Variants in NSMCE2 observed in about 807,000 individuals in gnomAD.
The protein encoded by NSMCE2 is NSE2 SUMO ligase component of SMC5/6 complex, also known as E3 SUMO-protein ligase NSE2.
In NSMCE2, 24 loss-of-function variants were observed where a neutral mutation model predicts 23.8. The observed-to-expected ratio is 1.01, with a 90% CI of 0.73 to 1.42. NSMCE2 has a LOEUF of 1.42. Among genes scored for constraint, NSMCE2 ranks in the 40% most tolerant of loss-of-function variants. The pLI, the probability that NSMCE2 is intolerant of heterozygous loss-of-function variation, is 0.00. For missense variants in NSMCE2, 284 were observed against 296.5 expected, an observed-to-expected ratio of 0.96 and a Z score of 0.31; for synonymous variants, 92 against 94.1, an observed-to-expected ratio of 0.98 and a Z score of 0.13.
At chr8:125,167,244 A>G (rs1419586745) in intron 4 of NSMCE2, among the ~76,000 whole-genome samples, 1 of 152,232 alleles carries the variant, frequency 6.6e-6, no homozygotes, top group Non-Finnish European at 1.5e-5. Context: ...AATATGTAGA[A>G]GAAAGTTGAG....
At chr8:125,315,165 G>A (rs1449271351) in intron 5 of NSMCE2, among the ~76,000 whole-genome samples, 2 of 152,000 alleles carry the variant, frequency 1.3e-5, no homozygotes, top group Non-Finnish European at 2.9e-5. Context: ...AACAGAGAGA[G>A]GAGTTACAGG....
At chr8:125,247,462 C>T (rs1291425244) in intron 5 of NSMCE2, among the ~76,000 whole-genome samples, 3 of 152,124 alleles carry the variant, frequency 2.0e-5, no homozygotes, top group African/African-American at 7.2e-5. Context: ...ATTTGGCTCA[C>T]GCCTATAATC....
intron 5 of NSMCE2, among the ~76,000 whole-genome samples, chr8:125,333,213 A>T (rs953494257): frequency 2.0e-5 from 3 of 152,038 alleles, no homozygotes; most frequent in African/African-American, 7.2e-5. Context: ...TCTGTCGCCA[A>T]GGCTGAAATA....
At chr8:125,159,528 A>G (rs1166933994) in intron 4 of NSMCE2, among the ~76,000 whole-genome samples, 1 of 152,178 alleles carries the variant, frequency 6.6e-6, no homozygotes, top group East Asian at 1.9e-4. Flanking sequence ...AGGCTATTCC[A>G]TCTAGGTTTG....
intron 5 of NSMCE2, among the ~76,000 whole-genome samples, chr8:125,250,530 C>T (rs1826162016): frequency 6.6e-6 from 1 of 152,196 alleles, no homozygotes; most frequent in African/African-American, 2.4e-5. Flanking sequence ...CCTGCTTTTA[C>T]TTGTTTCACT....
At chr8:125,211,108 T>G (rs1203341984) in intron 5 of NSMCE2, among the ~76,000 whole-genome samples, 1 of 152,222 alleles carries the variant, frequency 6.6e-6, no homozygotes. Context: ...CAGTCTCTTC[T>G]GTTCTATTAT....
intron 1 of NSMCE2, among the ~76,000 whole-genome samples, chr8:125,095,074 C>T (rs1817864664): frequency 1.3e-5 from 2 of 152,092 alleles, no homozygotes; most frequent in South Asian, 4.1e-4. Context: ...TGGTCTCGAA[C>T]TCCTGGGCTC....
At position 125,102,059 on chromosome 8, in the gene NSMCE2, A is replaced by G; in HGVS notation, c.-102A>G. ...TGTTGACTTCTTCACAGAATCAAGC[A>G]CTCTTTTGGAAGAGGGTAATCTCTC... On this transcript the variant is annotated 5_prime_UTR_variant, in exon 2 of 8. Coordinates refer to ENST00000287437, the MANE Select transcript of NSMCE2 (RefSeq NM_173685.4). 3.2e-6 allele frequency: 1 copy of G among 314,036 alleles called. No individual in the cohort carries two copies. The highest frequency in any genetic ancestry group is 5.9e-6 in the Non-Finnish European group (1 of 168,126). The allele number at this position is 314,036 out of a possible 1,614,324, so 19.5% of individuals were successfully genotyped here.
At chr8:125,340,334 A>G (rs1830205152) in intron 5 of NSMCE2, among the ~76,000 whole-genome samples, 2 of 152,218 alleles carry the variant, frequency 1.3e-5, no homozygotes, top group African/African-American at 4.8e-5. Context: ...TAAAATTTCA[A>G]AGCCAATGCT....
chr8:125,169,645 T>C (rs934656131), intron 4 of NSMCE2, among the ~76,000 whole-genome samples: 4 of 152,204 alleles, frequency 2.6e-5, no homozygotes, highest in Non-Finnish European at 2.9e-5. Context: ...TTCAGTCCCC[T>C]TGGGCACACT....
chr8:125,158,523 G>C (rs1243431913), intron 4 of NSMCE2, among the ~76,000 whole-genome samples: 1 of 152,170 alleles, frequency 6.6e-6, no homozygotes, highest in Non-Finnish European at 1.5e-5. Flanking sequence ...CTCCAGGTAG[G>C]TACTGAGGCG....
chr8:125,150,410 T>C (rs1312135526), intron 3 of NSMCE2, among the ~76,000 whole-genome samples: 5 of 148,672 alleles, frequency 3.4e-5, no homozygotes, highest in Non-Finnish European at 7.4e-5. Flanking sequence ...TTTTTCTTTT[T>C]TTCTTTTCTT....
At chr8:125,197,581 T>C (rs143392455) in intron 5 of NSMCE2, among the ~76,000 whole-genome samples, 3,579 of 152,340 alleles carry the variant, frequency 0.023, 86 homozygotes, top group Admixed American at 0.053. Context: ...ACCAGTATCA[T>C]GCTGTTTTGG....
chr8:125,192,356 A>G (rs1563709566), intron 5 of NSMCE2, among the ~76,000 whole-genome samples: 1 of 150,192 alleles, frequency 6.7e-6, no homozygotes, highest in South Asian at 2.1e-4. Flanking sequence ...AAGAAAGTTT[A>G]AGTAGAATTT....
chr8:125,284,834 G>A (rs1043286420), intron 5 of NSMCE2, among the ~76,000 whole-genome samples: 3 of 152,160 alleles, frequency 2.0e-5, no homozygotes, highest in Non-Finnish European at 2.9e-5. Context: ...TGAAAACCCT[G>A]TCCCCTTTTC....
chr8:125,286,464 C>G (rs991193102), intron 5 of NSMCE2, among the ~76,000 whole-genome samples: 14 of 152,074 alleles, frequency 9.2e-5, no homozygotes, highest in African/African-American at 2.2e-4. Flanking sequence ...AGGCGCCCAC[C>G]ACCATGACGG....
chr8:125,226,435 G>A (rs939963578), intron 5 of NSMCE2, among the ~76,000 whole-genome samples: 3 of 152,218 alleles, frequency 2.0e-5, no homozygotes. Flanking sequence ...GAGGACAGGA[G>A]TGGAGGGACA....
At chr8:125,163,211 T>A (rs1286910290) in intron 4 of NSMCE2, among the ~76,000 whole-genome samples, 1 of 152,070 alleles carries the variant, frequency 6.6e-6, no homozygotes, top group Non-Finnish European at 1.5e-5. Context: ...TACAAAAAAA[T>A]TAAAAAATGA....
intron 3 of NSMCE2, among the ~76,000 whole-genome samples, chr8:125,107,185 A>ATTTT (rs1818505099): frequency 1.6e-5 from 2 of 124,590 alleles, no homozygotes; most frequent in African/African-American, 3.8e-5. Flanking sequence ...TATCAAGGAC[A>ATTTT]TTCTTTTTTT....
Sources: gnomAD v4.1 joint callset for allele counts (sites outside exome capture counted in the v4.1 genomes callset) on GRCh38, gnomAD v4.1.1 for gene constraint, MANE v1.5 for transcripts, NCBI Gene and HGNC (gene_info 2026-07-23, HGNC 2026-07-21) for gene names.